Variants in BCKDHB observed in about 807,000 individuals in gnomAD.
BCKDHB encodes the protein branched chain keto acid dehydrogenase E1 subunit beta, also known as 2-oxoisovalerate dehydrogenase subunit beta, mitochondrial.
A neutral mutation model predicts 48.5 loss-of-function variants in BCKDHB; 41 were observed. The observed-to-expected ratio is 0.85, with a 90% CI of 0.66 to 1.10. The LOEUF (loss-of-function observed/expected upper bound fraction) is 1.10. Ranked by LOEUF, BCKDHB falls within the 50% of genes least tolerant of loss-of-function variation. BCKDHB has a pLI of 0.00. For missense variants in BCKDHB, 496 were observed against 494.2 expected, an observed-to-expected ratio of 1.00 and a Z score of -0.03; for synonymous variants, 201 against 174.8, an observed-to-expected ratio of 1.15 and a Z score of -1.18.
chr6:80,194,559 G>A (rs1485211281), intron 6 of BCKDHB, among the ~76,000 whole-genome samples: 4 of 152,026 alleles, frequency 2.6e-5, no homozygotes, highest in South Asian at 2.1e-4. Context: ...TGTCATGGTC[G>A]CCACATTTGG....
the BCKDHB span, among the ~76,000 whole-genome samples, chr6:80,384,731 G>A: frequency 1.3e-5 from 2 of 152,076 alleles, no homozygotes; most frequent in African/African-American, 4.8e-5. Flanking sequence ...GTGGGACCTT[G>A]TGATCATGTA....
intron 9 of BCKDHB, among the ~76,000 whole-genome samples, chr6:80,322,219 C>T (rs1158128866): frequency 6.7e-6 from 1 of 148,748 alleles, no homozygotes; most frequent in South Asian, 2.1e-4. Flanking sequence ...TAGACATAGG[C>T]GTTTTCTTTC....
At chr6:80,360,128 T>A in the BCKDHB span, among the ~76,000 whole-genome samples, 1 of 152,196 alleles carries the variant, frequency 6.6e-6, no homozygotes, top group Admixed American at 6.5e-5. Flanking sequence ...TAAATGCCAA[T>A]TATGTGCCAA....
At chr6:80,208,500 A>T (rs1774773392) in intron 8 of BCKDHB, among the ~76,000 whole-genome samples, 1 of 151,820 alleles carries the variant, frequency 6.6e-6, no homozygotes, top group Non-Finnish European at 1.5e-5. Flanking sequence ...ATCTGTAGAG[A>T]AATTTAATAA....
intron 3 of BCKDHB, among the ~76,000 whole-genome samples, chr6:80,144,156 C>T (rs2490243): frequency 2.0e-5 from 3 of 152,138 alleles, no homozygotes; most frequent in South Asian, 4.1e-4. Flanking sequence ...CTGTATTCAA[C>T]GGCAGAAATA....
Position 80,205,791 on chromosome 6 carries a change from G to GGTGTGTGTGTGTGT in BCKDHB, c.951+2610_951+2623dup, listed in dbSNP as rs3840387. 2.8e-3 allele frequency among the ~76,000 whole-genome samples: 380 copies of GGTGTGTGTGTGTGT among 135,154 alleles called. 5 individuals carry two copies. Among genetic ancestry groups the GGTGTGTGTGTGTGT allele is most frequent in the African/African-American group, 9.7e-3 (341 of 35,066 alleles). 88.7% of individuals were successfully genotyped at this position (135,154 alleles called of 152,430 possible). On this transcript the variant is annotated intron_variant, in intron 8 of 9. Coordinates refer to ENST00000320393, the MANE Select transcript of BCKDHB (RefSeq NM_183050.4). ...AGACAGAGACCTACCCTGTGCCATG[G>GGTGTGTGTGTGTGT]GTGTGTGTGTGTGTGTGTGTGTGTG...
At chr6:80,232,390 A>C (rs1377246565) in intron 8 of BCKDHB, among the ~76,000 whole-genome samples, 2 of 152,002 alleles carry the variant, frequency 1.3e-5, no homozygotes. Context: ...TTTACAATTA[A>C]TAAACTAATT....
Position 80,202,108 on chromosome 6 carries a change from T to A in BCKDHB, c.841-994T>A, listed in dbSNP as rs534901369. On this transcript the variant is annotated intron_variant, in intron 7 of 9. Transcript: ENST00000320393. ...CTCTGTGGTCAGCTCATGACCTTACTTCTCTTTTTAATAGGGAGGTTAGAG... is the reference window on the plus strand; with the variant it reads ...CTCTGTGGTCAGCTCATGACCTTACATCTCTTTTTAATAGGGAGGTTAGAG... Among the ~76,000 whole-genome samples, 3 of 152,270 alleles carry A rather than the reference T, an allele frequency of 2.0e-5. No individual in the cohort carries two copies. The East Asian group carries it at 5.8e-4, about 29-fold the overall frequency.
intron 1 of BCKDHB, among the ~76,000 whole-genome samples, chr6:80,116,632 A>G (rs1039530240): frequency 6.6e-6 from 1 of 152,224 alleles, no homozygotes; most frequent in Non-Finnish European, 1.5e-5. Flanking sequence ...AAACAACTCA[A>G]TGCCAGCCAC....
the BCKDHB span, among the ~76,000 whole-genome samples, chr6:80,442,401 GTTT>G: frequency 6.6e-6 from 1 of 152,182 alleles, no homozygotes; most frequent in South Asian, 2.1e-4. Flanking sequence ...TATCATATCA[GTTT>G]TTTGTTTCTT....
At chr6:80,385,749 A>C in the BCKDHB span, among the ~76,000 whole-genome samples, 1 of 152,180 alleles carries the variant, frequency 6.6e-6, no homozygotes, top group Non-Finnish European at 1.5e-5. Flanking sequence ...AGTGTGACCC[A>C]TGAGGAGGCG....
chr6:80,253,599 A>T (rs1167385528), intron 8 of BCKDHB, among the ~76,000 whole-genome samples: 5 of 152,160 alleles, frequency 3.3e-5, no homozygotes, highest in African/African-American at 1.2e-4. Context: ...AATTACGTAA[A>T]GGAGAAGACA....
intron 6 of BCKDHB, among the ~76,000 whole-genome samples, chr6:80,197,048 C>T (rs929093022): frequency 1.3e-5 from 2 of 152,116 alleles, no homozygotes; most frequent in Non-Finnish European, 2.9e-5. Flanking sequence ...AGAGCGGTGT[C>T]AGTTAGTCCC....
the BCKDHB span, among the ~76,000 whole-genome samples, chr6:80,357,929 T>C: frequency 6.6e-6 from 1 of 152,214 alleles, no homozygotes; most frequent in East Asian, 1.9e-4. Context: ...AGCACACAAA[T>C]AGATTCCTTA....
intron 9 of BCKDHB, among the ~76,000 whole-genome samples, chr6:80,297,892 T>A (rs1322229520): frequency 6.6e-6 from 1 of 152,172 alleles, no homozygotes; most frequent in Non-Finnish European, 1.5e-5. Flanking sequence ...CACAATGCAG[T>A]GCAAAACAGA....
intron 9 of BCKDHB, among the ~76,000 whole-genome samples, chr6:80,323,799 A>G (rs1412609682): frequency 1.3e-5 from 2 of 152,102 alleles, no homozygotes; most frequent in African/African-American, 4.8e-5. Context: ...TTGAGACGGA[A>G]TCTCGCTCTG....
chr6:80,355,803 C>G, the BCKDHB span: 4 of 152,330 alleles, frequency 2.6e-5, no homozygotes, highest in African/African-American at 9.6e-5. Flanking sequence ...TGTCTCCCAG[C>G]AGAAATATCT....
At chr6:80,301,200 A>G (rs1272340179) in intron 9 of BCKDHB, among the ~76,000 whole-genome samples, 1 of 152,170 alleles carries the variant, frequency 6.6e-6, no homozygotes, top group East Asian at 1.9e-4. Flanking sequence ...AGAGAACTTA[A>G]TGAGATTGAG....
the BCKDHB span, among the ~76,000 whole-genome samples, chr6:80,457,155 A>G: frequency 6.6e-6 from 1 of 152,196 alleles, no homozygotes; most frequent in Non-Finnish European, 1.5e-5. Flanking sequence ...TACATAAGAA[A>G]ATGAAATAGG....
Sources: gnomAD v4.1 joint callset for allele counts (sites outside exome capture counted in the v4.1 genomes callset) on GRCh38, gnomAD v4.1.1 for gene constraint, MANE v1.5 for transcripts, NCBI Gene and HGNC (gene_info 2026-07-23, HGNC 2026-07-21) for gene names.